RBFOX1: variants seen among roughly 807,000 people sequenced by gnomAD.
The protein encoded by RBFOX1 is RNA binding protein fox-1 homolog 1.
Under a neutral mutation model 57.7 loss-of-function variants are expected in RBFOX1, and 8 were observed. The ratio of observed to expected loss-of-function variants is 0.14; its 90% CI spans 0.08 to 0.25. The LOEUF is 0.25. RBFOX1 is among the 10% of genes least tolerant of loss of function. The probability of loss-of-function intolerance (pLI) is 1.00; values close to 1 mark genes in which losing one functional copy is unlikely to be tolerated. For synonymous variants in RBFOX1, 326 were observed against 222.4 expected (o/e 1.47, Z -4.15); for missense variants, 611 against 548.5 (o/e 1.11, Z -1.14).
chr16:6,993,532 G>T (rs746420592), intron 3 of RBFOX1, among the ~76,000 whole-genome samples: 20 of 152,128 alleles, frequency 1.3e-4, no homozygotes, highest in Non-Finnish European at 2.2e-4. Flanking sequence ...CCTGGTTAAA[G>T]GTCCTTTCCC....
At chr16:7,416,258 C>T (rs182489668) in intron 4 of RBFOX1, among the ~76,000 whole-genome samples, 135 of 152,320 alleles carry the variant, frequency 8.9e-4, no homozygotes, top group Admixed American at 2.9e-3. Context: ...CTCGCTCTCC[C>T]TTTCTGTGTC....
Position 6,256,209 on chromosome 16 carries a change from G to GTATA in RBFOX1, c.-126-60785_-126-60784insATAT, listed in dbSNP as rs796829694. Among the ~76,000 whole-genome samples the GTATA allele has an allele frequency of 2.8e-4, 13 of 46,216 alleles. 1 individual carries two copies. Among genetic ancestry groups the GTATA allele is most frequent in the Admixed American group, 3.4e-4 (1 of 2,960 alleles). 30.3% of individuals were successfully genotyped at this position (46,216 alleles called of 152,430 possible). A position where few individuals can be genotyped will look rare whatever the true frequency, so the allele number is the denominator to read the frequency against. ...TACGTATATATATGTATATGTATATGTGTATATATATGTATATATATATGT... is the reference window on the plus strand; with the variant it reads ...TACGTATATATATGTATATGTATATGTATATGTATATATATGTATATATATATGT... On this transcript the variant is annotated intron_variant, in intron 1 of 15. Transcript: ENST00000550418.
intron 4 of RBFOX1, among the ~76,000 whole-genome samples, chr16:7,477,537 A>T (rs2062995396): frequency 6.6e-6 from 1 of 152,150 alleles, no homozygotes; most frequent in Admixed American, 6.5e-5. Context: ...GACTCCCCAA[A>T]GAGAAAATGT....
chr16:5,248,711 C>G (rs1374110892), intron 1 of RBFOX1, among the ~76,000 whole-genome samples: 1 of 152,184 alleles, frequency 6.6e-6, no homozygotes, highest in South Asian at 2.1e-4. Flanking sequence ...ACAAGAGGGC[C>G]GGGCACGGTG....
In RBFOX1 at chr16:6,825,661, C is replaced by G. The variant is rs146777964; in HGVS notation, c.-16+171011C>G. On this transcript the variant is annotated intron_variant, in intron 3 of 15. Transcript: ENST00000550418. ...TTATTCACCGCTTCACTGCAGAAAG[C>G]AGGAGTCTTGGATAGGTAACACAAG... Among the ~76,000 whole-genome samples, 6 of 152,196 alleles carry G rather than the reference C, an allele frequency of 3.9e-5. No individual in the cohort carries two copies. In the East Asian group the frequency reaches 1.2e-3, roughly 30 times the overall value.
At chr16:7,509,759 C>T (rs912609901) in intron 4 of RBFOX1, among the ~76,000 whole-genome samples, 3 of 152,190 alleles carry the variant, frequency 2.0e-5, no homozygotes, top group East Asian at 3.9e-4. Context: ...AAACTTTTTT[C>T]ATCCATCCTC....
At chr16:6,705,179 T>C (rs1400546773) in intron 3 of RBFOX1, 1 of 152,190 alleles carries the variant, frequency 6.6e-6, no homozygotes, top group East Asian at 1.9e-4. Flanking sequence ...AGCCCAGCCA[T>C]TGCTCTATGG....
chr16:6,815,271 G>C (rs1457366753), intron 3 of RBFOX1, among the ~76,000 whole-genome samples: 1 of 152,102 alleles, frequency 6.6e-6, no homozygotes, highest in East Asian at 1.9e-4. Context: ...GTGGGTTTTG[G>C]CCGACTTCTT....
intron 3 of RBFOX1, among the ~76,000 whole-genome samples, chr16:7,045,513 G>C (rs1195390018): frequency 6.6e-6 from 1 of 152,180 alleles, no homozygotes; most frequent in Non-Finnish European, 1.5e-5. Context: ...ATATGATAAT[G>C]TGGTGCCACT....
intron 4 of RBFOX1, among the ~76,000 whole-genome samples, chr16:7,242,465 C>A (rs1311013090): frequency 1.3e-5 from 2 of 152,138 alleles, no homozygotes; most frequent in Non-Finnish European, 2.9e-5. Context: ...TTATTTTTCA[C>A]CACTTGTTGA....
chr16:6,195,331 A>G (rs1049403295), intron 1 of RBFOX1, among the ~76,000 whole-genome samples: 2 of 152,130 alleles, frequency 1.3e-5, no homozygotes, highest in Admixed American at 1.3e-4. Context: ...TGTTGCTCCC[A>G]CCACACGTTC....
intron 3 of RBFOX1, among the ~76,000 whole-genome samples, chr16:6,935,384 C>T (rs895125319): frequency 6.6e-6 from 1 of 152,174 alleles, no homozygotes; most frequent in African/African-American, 2.4e-5. Flanking sequence ...GTAGCAGACA[C>T]AATACCATGT....
At chr16:7,532,652 A>G (rs17143976) in intron 5 of RBFOX1, among the ~76,000 whole-genome samples, 4,875 of 152,300 alleles carry the variant, frequency 0.032, 222 homozygotes, top group African/African-American at 0.11. Flanking sequence ...CAGCAGAAGT[A>G]GCAAGGCTAG....
At chr16:7,519,632 A>T in intron 5 of RBFOX1, 2 of 912,818 alleles carry the variant, frequency 2.2e-6, no homozygotes, top group Non-Finnish European at 2.6e-6. Flanking sequence ...TGTATGGAAC[A>T]TGCATTTGGG....
At chr16:5,586,121 C>G (rs545559984) in intron 2 of RBFOX1, among the ~76,000 whole-genome samples, 17 of 152,160 alleles carry the variant, frequency 1.1e-4, no homozygotes, top group Non-Finnish European at 2.2e-4. Flanking sequence ...CTTCTACAAG[C>G]CAAGGCACCT....
At chr16:7,283,226 C>G (rs1241255957) in intron 4 of RBFOX1, among the ~76,000 whole-genome samples, 2 of 151,898 alleles carry the variant, frequency 1.3e-5, no homozygotes, top group Non-Finnish European at 2.9e-5. Flanking sequence ...GTGCCTCTCT[C>G]TGCTTGTCTC....
chr16:7,073,922 G>A (rs988117241), intron 4 of RBFOX1, among the ~76,000 whole-genome samples: 3 of 151,948 alleles, frequency 2.0e-5, no homozygotes, highest in African/African-American at 7.3e-5. Flanking sequence ...TGACAATCCA[G>A]AGCAGTGTTT....
intron 2 of RBFOX1, among the ~76,000 whole-genome samples, chr16:5,554,539 C>T (rs1051471838): frequency 1.3e-5 from 2 of 152,018 alleles, no homozygotes; most frequent in Non-Finnish European, 2.9e-5. Context: ...TTAATTTTAG[C>T]AACTTCAATC....
chr16:6,039,581 A>C (rs978081569), intron 1 of RBFOX1, among the ~76,000 whole-genome samples: 1 of 152,162 alleles, frequency 6.6e-6, no homozygotes, highest in Non-Finnish European at 1.5e-5. Context: ...TGCATTTCTT[A>C]GACTGCCAGC....
Sources: gnomAD v4.1 joint callset for allele counts (sites outside exome capture counted in the v4.1 genomes callset) on GRCh38, gnomAD v4.1.1 for gene constraint, MANE v1.5 for transcripts, NCBI Gene and HGNC (gene_info 2026-07-23, HGNC 2026-07-21) for gene names.